The following CAMKMT variants were observed in gnomAD, a reference collection of about 807,000 sequenced individuals.
CAMKMT encodes the protein calmodulin-lysine N-methyltransferase, also known as CaM KMT.
In CAMKMT, 53 loss-of-function variants were observed where a neutral mutation model predicts 48.0. The observed-to-expected ratio is 1.10, with a 90% CI of 0.89 to 1.39. CAMKMT has a LOEUF of 1.39. Ranked by LOEUF, CAMKMT falls within the 40% of genes most tolerant of loss-of-function variation. CAMKMT has a pLI of 0.00. For missense variants in CAMKMT, 428 were observed against 402.7 expected (o/e 1.06, Z -0.54); for synonymous variants, 165 against 152.3 (o/e 1.08, Z -0.61).
At chr2:44,577,719 G>A (rs962826904) in intron 3 of CAMKMT, among the ~76,000 whole-genome samples, 4 of 152,036 alleles carry the variant, frequency 2.6e-5, no homozygotes, top group Non-Finnish European at 4.4e-5. Flanking sequence ...GGGAGATGGA[G>A]AGGGAGAATA....
intron 7 of CAMKMT, among the ~76,000 whole-genome samples, chr2:44,722,983 CT>C (rs1678555135): frequency 6.6e-6 from 1 of 152,182 alleles, no homozygotes. Flanking sequence ...CTCTTTTGGA[CT>C]CTGAAATAAG....
At chr2:44,664,258 T>C (rs937407097) in intron 3 of CAMKMT, among the ~76,000 whole-genome samples, 1 of 152,246 alleles carries the variant, frequency 6.6e-6, no homozygotes, top group Non-Finnish European at 1.5e-5. Flanking sequence ...TTTTATGATC[T>C]ATAAAATGAG....
chr2:44,619,463 G>GTA (rs5830799), intron 3 of CAMKMT, among the ~76,000 whole-genome samples: 74,499 of 149,868 alleles, frequency 0.5, 19,642 homozygotes, highest in Middle Eastern at 0.65. Flanking sequence ...GATTATGTGT[G>GTA]TATATATATA....
Position 44,512,732 on chromosome 2 carries a change from T to A in CAMKMT, c.376+122427T>A, listed in dbSNP as rs573382391. On this transcript the variant is annotated intron_variant, in intron 3 of 10. Transcript: ENST00000378494. ...GTATGAAATTTTGAAAGACATGATG[T>A]ATAGTCAACTTACAATGGGCTTCAT... Among the ~76,000 whole-genome samples, 9 of 152,372 alleles carry A rather than the reference T, an allele frequency of 5.9e-5. 1 individual carries two copies. The South Asian group carries it at 1.0e-3, about 18-fold the overall frequency.
At chr2:44,613,060 C>T (rs1020794544) in intron 3 of CAMKMT, among the ~76,000 whole-genome samples, 5 of 152,110 alleles carry the variant, frequency 3.3e-5, no homozygotes, top group African/African-American at 1.2e-4. Context: ...CTATGGTATT[C>T]TCTTAAATTT....
intron 3 of CAMKMT, among the ~76,000 whole-genome samples, chr2:44,516,002 A>G (rs1396140861): frequency 6.6e-6 from 1 of 152,122 alleles, no homozygotes; most frequent in African/African-American, 2.4e-5. Flanking sequence ...TTTTATTTTT[A>G]TTTTTTGAGA....
chr2:44,694,020 G>A (rs1331274326), intron 3 of CAMKMT, among the ~76,000 whole-genome samples: 4 of 152,230 alleles, frequency 2.6e-5, no homozygotes, highest in African/African-American at 9.6e-5. Flanking sequence ...AGCTAGATGT[G>A]TTGTCATCAT....
chr2:44,472,069 G>A (rs946882813), intron 3 of CAMKMT, among the ~76,000 whole-genome samples: 1 of 152,004 alleles, frequency 6.6e-6, no homozygotes, highest in African/African-American at 2.4e-5. Flanking sequence ...AGAATTAAAT[G>A]GGCAATTATT....
chr2:44,616,276 C>T (rs72882999), intron 3 of CAMKMT, among the ~76,000 whole-genome samples: 2,045 of 152,244 alleles, frequency 0.013, 33 homozygotes, highest in African/African-American at 0.041. Context: ...CCTGTCATTC[C>T]CTGTTGCAAT....
intron 6 of CAMKMT, among the ~76,000 whole-genome samples, chr2:44,708,091 GTACTT>G (rs1199440430): frequency 6.6e-6 from 1 of 151,820 alleles, no homozygotes; most frequent in Admixed American, 6.6e-5. Flanking sequence ...AAATTGAACT[GTACTT>G]TAACTAAGAA....
intron 3 of CAMKMT, among the ~76,000 whole-genome samples, chr2:44,698,381 C>T (rs1221496938): frequency 1.3e-5 from 2 of 152,164 alleles, no homozygotes; most frequent in East Asian, 3.8e-4. Flanking sequence ...TTCTTTCACT[C>T]AGTACAGGCA....
intron 7 of CAMKMT, among the ~76,000 whole-genome samples, chr2:44,740,062 G>A (rs1440891879): frequency 1.3e-5 from 2 of 151,628 alleles, no homozygotes; most frequent in Non-Finnish European, 2.9e-5. Context: ...TGTAGATGCA[G>A]ATGCTATTAG....
chr2:44,598,746 C>T (rs1199666918), intron 3 of CAMKMT, among the ~76,000 whole-genome samples: 1 of 149,078 alleles, frequency 6.7e-6, no homozygotes, highest in Non-Finnish European at 1.5e-5. Context: ...TTGTTAAAGG[C>T]TCTGGGTGGG....
At chr2:44,594,942 C>T (rs930003914) in intron 3 of CAMKMT, among the ~76,000 whole-genome samples, 3 of 152,058 alleles carry the variant, frequency 2.0e-5, no homozygotes, top group African/African-American at 7.2e-5. Flanking sequence ...CCAGAATCTA[C>T]AAAGAACTTA....
intron 3 of CAMKMT, among the ~76,000 whole-genome samples, chr2:44,560,019 C>T (rs1668239493): frequency 1.3e-5 from 2 of 152,074 alleles, no homozygotes; most frequent in Admixed American, 1.3e-4. Context: ...AGTTTTTATT[C>T]ATCATCTGTA....
At chr2:44,516,701 A>G (rs1670848182) in intron 3 of CAMKMT, among the ~76,000 whole-genome samples, 1 of 151,786 alleles carries the variant, frequency 6.6e-6, no homozygotes, top group Non-Finnish European at 1.5e-5. Context: ...ATTATTTTAA[A>G]TATAGTTTAA....
chr2:44,654,241 A>G (rs970472670), intron 3 of CAMKMT, among the ~76,000 whole-genome samples: 1 of 152,174 alleles, frequency 6.6e-6, no homozygotes, highest in Admixed American at 6.5e-5. Flanking sequence ...ATGTAATTCT[A>G]TGTAATTTAC....
At chr2:44,593,248 C>T (rs983920486) in intron 3 of CAMKMT, among the ~76,000 whole-genome samples, 2 of 152,190 alleles carry the variant, frequency 1.3e-5, no homozygotes, top group African/African-American at 2.4e-5. Context: ...CAGAAACATG[C>T]ACAATTTCCA....
chr2:44,435,194 C>G (rs1011229333), intron 3 of CAMKMT, among the ~76,000 whole-genome samples: 5 of 152,108 alleles, frequency 3.3e-5, no homozygotes, highest in African/African-American at 1.2e-4. Flanking sequence ...TTTTTGGTCC[C>G]TAGCAACCAT....
Sources: gnomAD v4.1 joint callset for allele counts (sites outside exome capture counted in the v4.1 genomes callset) on GRCh38, gnomAD v4.1.1 for gene constraint, MANE v1.5 for transcripts, NCBI Gene and HGNC (gene_info 2026-07-23, HGNC 2026-07-21) for gene names.